The following NEBL variants were observed in gnomAD, a reference collection of about 807,000 sequenced individuals.
NEBL encodes nebulette.
Under a neutral mutation model 140.2 loss-of-function variants are expected in NEBL, and 122 were observed. The ratio of observed to expected loss-of-function variants is 0.87; its 90% confidence interval spans 0.75 to 1.01. The LOEUF (loss-of-function observed/expected upper bound fraction) is 1.01. Ranked by LOEUF, NEBL falls within the 50% of genes least tolerant of loss-of-function variation. The pLI is 0.00. For missense variants in NEBL, 1,365 were observed against 1,231.3 expected (o/e 1.11, Z -1.62); for synonymous variants, 436 against 398.9 (o/e 1.09, Z -1.11).
chr10:21,028,714 T>C (rs537768644), intron 2 of NEBL, among the ~76,000 whole-genome samples: 13 of 150,972 alleles, frequency 8.6e-5, no homozygotes, highest in Non-Finnish European at 1.9e-4. Context: ...TAAATTCAAA[T>C]CCTAAAAAAG....
intron 2 of NEBL, among the ~76,000 whole-genome samples, chr10:21,053,632 A>G (rs982381775): frequency 5.9e-5 from 9 of 152,190 alleles, no homozygotes; most frequent in African/African-American, 2.2e-4. Flanking sequence ...ATCCCCAAGA[A>G]GTTATGAAAA....
chr10:21,240,907 TACACAC>T (rs61704937), intron 3 of NEBL, among the ~76,000 whole-genome samples: 1,792 of 137,368 alleles, frequency 0.013, 35 homozygotes, highest in African/African-American at 0.038. Context: ...CACGCACACA[TACACAC>T]ACACACACAC....
At chr10:21,124,700 C>T (rs751043390) in intron 2 of NEBL, among the ~76,000 whole-genome samples, 1 of 152,226 alleles carries the variant, frequency 6.6e-6, no homozygotes, top group Non-Finnish European at 1.5e-5. Context: ...TAGCTGGAAT[C>T]GCAGCACTTT....
chr10:21,220,413 A>G (rs1842051760), intron 3 of NEBL, among the ~76,000 whole-genome samples: 1 of 152,234 alleles, frequency 6.6e-6, no homozygotes, highest in Admixed American at 6.5e-5. Flanking sequence ...CAATCTTGAC[A>G]ATAAATGGTG....
chr10:21,225,458 T>C (rs1842132242), intron 3 of NEBL, among the ~76,000 whole-genome samples: 2 of 152,134 alleles, frequency 1.3e-5, no homozygotes. Context: ...CAGCTTTATG[T>C]TCTTCTCTTG....
chr10:20,799,190 C>T (rs1374810426), intron 26 of NEBL, among the ~76,000 whole-genome samples: 1 of 152,122 alleles, frequency 6.6e-6, no homozygotes, highest in African/African-American at 2.4e-5. Flanking sequence ...GAGTCTTGCT[C>T]CGTCACCCAG....
At position 21,143,080 on chromosome 10, in the gene NEBL, T is replaced by C. The variant is rs556283005; in HGVS notation, c.164+29303A>G. ...TTTTATTAATTCAACAAGGGTCAAC[T>C]AAGTACATGTTATATGCATAATGTG... On this transcript the variant is annotated intron_variant, in intron 2 of 6. Transcript: ENST00000417816. Among the ~76,000 whole-genome samples, 146 of 152,284 alleles carry C rather than the reference T, an allele frequency of 9.6e-4. 2 individuals are homozygous for C. Among genetic ancestry groups the C allele is most frequent in the African/African-American group, 3.3e-3 (138 of 41,550 alleles).
intron 3 of NEBL, among the ~76,000 whole-genome samples, chr10:20,968,486 G>A (rs1836428663): frequency 6.6e-6 from 1 of 152,040 alleles, no homozygotes. Flanking sequence ...ACTCCAGCCT[G>A]GGCAACAGAG....
At chr10:21,219,073 G>A (rs1229433148) in intron 3 of NEBL, among the ~76,000 whole-genome samples, 2 of 152,278 alleles carry the variant, frequency 1.3e-5, no homozygotes, top group South Asian at 2.1e-4. Flanking sequence ...TGCCACAGTG[G>A]CATATTTTGG....
chr10:21,155,506 A>G (rs1840305356), intron 2 of NEBL, among the ~76,000 whole-genome samples: 1 of 152,112 alleles, frequency 6.6e-6, no homozygotes, highest in South Asian at 2.1e-4. Flanking sequence ...GGATTTTTAG[A>G]TCCCACAGAT....
At chr10:20,898,129 T>G (rs576475424), upstream of NEBL, among the ~76,000 whole-genome samples, 29 of 152,220 alleles carry the variant, frequency 1.9e-4, no homozygotes, top group African/African-American at 7.0e-4. Context: ...CATCACAATA[T>G]TTATAATGTA....
At chr10:20,983,325 C>A (rs1837128833) in intron 3 of NEBL, among the ~76,000 whole-genome samples, 1 of 152,144 alleles carries the variant, frequency 6.6e-6, no homozygotes, top group South Asian at 2.1e-4. Flanking sequence ...CACATAAAAT[C>A]AGTGTACTGC....
chr10:21,016,752 A>G (rs1838572226), intron 3 of NEBL, among the ~76,000 whole-genome samples: 1 of 152,234 alleles, frequency 6.6e-6, no homozygotes, highest in South Asian at 2.1e-4. Flanking sequence ...AACTCCAGAT[A>G]TCAAAACTCT....
intron 3 of NEBL, among the ~76,000 whole-genome samples, chr10:21,213,550 A>T (rs572866303): frequency 2.6e-5 from 4 of 152,320 alleles, no homozygotes; most frequent in African/African-American, 9.6e-5. Flanking sequence ...AGAAGACACT[A>T]ACTTTGCTAA....
At chr10:21,255,681 G>C (rs1842649019) in intron 1 of NEBL, among the ~76,000 whole-genome samples, 1 of 152,110 alleles carries the variant, frequency 6.6e-6, no homozygotes, top group African/African-American at 2.4e-5. Context: ...TTCAGCATCA[G>C]AGAATAATCC....
intron 2 of NEBL, among the ~76,000 whole-genome samples, chr10:21,024,589 T>C (rs1838946181): frequency 6.7e-6 from 1 of 150,172 alleles, no homozygotes; most frequent in African/African-American, 2.5e-5. Context: ...TCAGAAGAAA[T>C]AAGTGTAATT....
intron 4 of NEBL, among the ~76,000 whole-genome samples, chr10:20,935,031 T>G (rs12260681): frequency 6.6e-6 from 1 of 152,150 alleles, no homozygotes; most frequent in African/African-American, 2.4e-5. Context: ...AAACACTTAC[T>G]GAAGGCCAAT....
At chr10:20,844,520 A>G (rs917494781) in intron 12 of NEBL, among the ~76,000 whole-genome samples, 1 of 151,382 alleles carries the variant, frequency 6.6e-6, no homozygotes, top group Non-Finnish European at 1.5e-5. Flanking sequence ...ACATAAAAAA[A>G]AAAAAGCTTT....
intron 3 of NEBL, among the ~76,000 whole-genome samples, chr10:20,981,926 A>C (rs1278132032): frequency 6.6e-6 from 1 of 152,216 alleles, no homozygotes; most frequent in African/African-American, 2.4e-5. Context: ...AATGCCAATG[A>C]CAATTGGAGT....
Sources: allele counts gnomAD v4.1 joint callset (sites outside exome capture counted in the v4.1 genomes callset), GRCh38; gene constraint gnomAD v4.1.1; transcripts MANE v1.5; gene names NCBI Gene and HGNC (gene_info 2026-07-23, HGNC 2026-07-21).